Variants in FAM76A observed in about 807,000 individuals in gnomAD.
The protein encoded by FAM76A is family with sequence similarity 76 member A, also known as protein FAM76A.
Under a neutral mutation model 46.2 loss-of-function variants are expected in FAM76A, and 32 were observed. The observed-to-expected ratio is 0.69, with a 90% CI of 0.52 to 0.93. FAM76A has a LOEUF of 0.93. Among genes scored for constraint, FAM76A ranks in the 40% least tolerant of loss-of-function variants. The probability of loss-of-function intolerance (pLI) is 0.00; values close to 1 mark genes in which losing one functional copy is unlikely to be tolerated. For synonymous variants in FAM76A, 137 were observed against 127.0 expected (o/e 1.08, Z -0.53); for missense variants, 274 against 361.5 (o/e 0.76, Z 1.96).
intron 4 of FAM76A, among the ~76,000 whole-genome samples, chr1:27,742,947 C>T (rs923533987): frequency 3.3e-5 from 5 of 152,028 alleles, no homozygotes; most frequent in African/African-American, 1.2e-4. Context: ...CTTGTAATCC[C>T]AGCTACTTGG....
intron 2 of FAM76A, among the ~76,000 whole-genome samples, chr1:27,728,438 G>C (rs1408566523): frequency 6.6e-6 from 1 of 151,656 alleles, no homozygotes; most frequent in Admixed American, 6.6e-5. Flanking sequence ...CTGCAGCCTG[G>C]ACCTCCCGGG....
chr1:27,754,398 G>A (rs573211589), intron 6 of FAM76A, among the ~76,000 whole-genome samples: 5 of 152,246 alleles, frequency 3.3e-5, no homozygotes, highest in Middle Eastern at 3.4e-3. Flanking sequence ...GAGCCACCGC[G>A]CCCGGCCTAA....
chr1:27,748,446 G>C (rs1334100786), intron 5 of FAM76A, among the ~76,000 whole-genome samples: 1 of 142,310 alleles, frequency 7.0e-6, no homozygotes, highest in Non-Finnish European at 1.5e-5. Flanking sequence ...TAAACTAGAA[G>C]ACAGATTATA....
rs187345482 is a variant in FAM76A, at chr1:27,748,074, C to T, written c.513-994C>T. 4.2e-4 allele frequency among the ~76,000 whole-genome samples: 63 copies of T among 151,686 alleles called. 1 individual carries two copies. The East Asian group carries it at 0.012, about 28-fold the overall frequency. On this transcript the variant is annotated intron_variant, in intron 5 of 8. Transcript: ENST00000373954. ...CAGTAGAAATAATAACTTATCTATA[C>T]CTCACAGAATTATAAGATGCATGTG... is the stretch of plus-strand genomic sequence containing the variant.
intron 2 of FAM76A, among the ~76,000 whole-genome samples, chr1:27,731,778 G>A (rs951850336): frequency 6.6e-6 from 1 of 151,958 alleles, no homozygotes; most frequent in African/African-American, 2.4e-5. Context: ...GTGATACTTG[G>A]GGATGTCATA....
chr1:27,739,395 T>A (rs2088111607), intron 4 of FAM76A: 2 of 521,756 alleles, frequency 3.8e-6, no homozygotes, highest in Non-Finnish European at 3.9e-6. Flanking sequence ...AGAATCTTAG[T>A]GTCTTCAGGC....
chr1:27,743,696 T>C (rs1234136550), intron 4 of FAM76A, among the ~76,000 whole-genome samples: 1 of 151,326 alleles, frequency 6.6e-6, no homozygotes, highest in Non-Finnish European at 1.5e-5. Context: ...GTCCAGGAGG[T>C]GGAGGTTGCA....
At chr1:27,736,288 C>T (rs2088043136) in intron 4 of FAM76A, among the ~76,000 whole-genome samples, 1 of 152,158 alleles carries the variant, frequency 6.6e-6, no homozygotes, top group Non-Finnish European at 1.5e-5. Context: ...CACCACTGCA[C>T]TCTAGCCTGG....
intron 4 of FAM76A, chr1:27,740,300 C>G (rs1557779415): frequency 3.3e-5 from 28 of 840,832 alleles, no homozygotes; most frequent in Non-Finnish European, 3.3e-5. Context: ...GCCTTACCAT[C>G]AAACCAGGAA....
intron 2 of FAM76A, among the ~76,000 whole-genome samples, chr1:27,732,101 C>T (rs901044089): frequency 1.3e-5 from 2 of 152,162 alleles, no homozygotes; most frequent in African/African-American, 2.4e-5. Context: ...GGATTATAGG[C>T]GTGAGCCACC....
At chr1:27,758,056 T>C (rs139391610) in intron 7 of FAM76A, among the ~76,000 whole-genome samples, 21 of 152,310 alleles carry the variant, frequency 1.4e-4, no homozygotes, top group Non-Finnish European at 2.8e-4. Flanking sequence ...TTTTTCTTCT[T>C]AGGGGTTTCT....
chr1:27,732,649 T>C lies in FAM76A; in HGVS notation c.193T>C (p.Tyr65His). The C allele has an allele frequency of 6.2e-7, 1 of 1,607,642 alleles. No homozygotes were observed. Among genetic ancestry groups the C allele is most frequent in the Non-Finnish European group, 8.5e-7 (1 of 1,175,110 alleles). Residue 65 changes from tyrosine to histidine, a missense_variant, in exon 3 of 9, where the codon TAT becomes CAT. By Grantham distance (83) the Tyr-to-His change is moderately conservative. Coordinates refer to ENST00000373954, the MANE Select transcript of FAM76A (RefSeq NM_152660.3). The part of the protein sequence containing the change: ...CKKCAQNVQL[Y>H]GTPKPCQYCN... ...GAAATGTGCTCAGAACGTGCAGTTG[T>C]ATGGAACGGTAAGTAGGATATTTTC...
At chr1:27,757,188 C>CTTTTTTTTTTTT (rs1182814614) in intron 7 of FAM76A, among the ~76,000 whole-genome samples, 10 of 81,636 alleles carry the variant, frequency 1.2e-4, no homozygotes, top group African/African-American at 4.0e-4. Flanking sequence ...CTCATTTATT[C>CTTTTTTTTTTTT]TTTTTTTTTT....
At chr1:27,738,828 A>G (rs1386200993) in intron 4 of FAM76A, among the ~76,000 whole-genome samples, 2 of 152,156 alleles carry the variant, frequency 1.3e-5, no homozygotes, top group African/African-American at 2.4e-5. Context: ...AATCAGGAGA[A>G]CCTCTGAGGA....
intron 6 of FAM76A, among the ~76,000 whole-genome samples, chr1:27,752,947 G>A (rs1246291551): frequency 6.6e-6 from 1 of 151,998 alleles, no homozygotes; most frequent in Admixed American, 6.6e-5. Context: ...ATCACCTGAG[G>A]TCGGGAGTTC....
At chr1:27,734,372 C>T (rs1232194032) in intron 4 of FAM76A, among the ~76,000 whole-genome samples, 189 bp downstream of exon 4, 1 of 151,908 alleles carries the variant, frequency 6.6e-6, no homozygotes, top group Non-Finnish European at 1.5e-5. Flanking sequence ...ATGGTGAAAC[C>T]GCGTCTCTAC....
At position 27,753,032 on chromosome 1, in the gene FAM76A, C is replaced by T. The variant is rs149617513; in HGVS notation, c.600-2163C>T. Among the ~76,000 whole-genome samples the T allele has an allele frequency of 4.5e-3, 687 of 152,242 alleles. 10 individuals are homozygous for T. Among genetic ancestry groups the T allele is most frequent in the African/African-American group, 0.016 (652 of 41,528 alleles). ...AAAATTAGCCAGGCATGGTGGCGCA[C>T]GCCTGTAATCCCAGCTACTTGAGAG... On this transcript the variant is annotated intron_variant, in intron 6 of 8. Transcript: ENST00000373954.
At chr1:27,754,905 A>G (rs1392194000) in intron 6 of FAM76A, among the ~76,000 whole-genome samples, 3 of 152,222 alleles carry the variant, frequency 2.0e-5, no homozygotes, top group Non-Finnish European at 4.4e-5. Flanking sequence ...CTGAAACAGT[A>G]TCCTTAGCTC....
intron 8 of FAM76A, 91 bp from the exon 9 acceptor site, chr1:27,760,404 G>A (rs2088484363): frequency 1.0e-6 from 1 of 969,358 alleles, no homozygotes; most frequent in African/African-American, 1.7e-5. Context: ...CCTCCACATT[G>A]TCTGCCTTAG....
Sources: allele counts gnomAD v4.1 joint callset (sites outside exome capture counted in the v4.1 genomes callset), GRCh38; gene constraint gnomAD v4.1.1; transcripts MANE v1.5; gene names NCBI Gene and HGNC (gene_info 2026-07-23, HGNC 2026-07-21).